Variants in TENM1 observed in about 807,000 individuals in gnomAD.
TENM1 encodes teneurin-1.
TENM1 carries 35 observed loss-of-function variants against 174.8 expected under a neutral mutation model. The ratio of observed to expected loss-of-function variants is 0.20; its 90% CI spans 0.15 to 0.27. The LOEUF is 0.27. Among genes scored for constraint, TENM1 ranks in the 10% least tolerant of loss-of-function variants. The pLI is 1.00. For missense variants in TENM1, 1,633 were observed against 2,130.1 expected (o/e 0.77, Z 4.59); for synonymous variants, 781 against 798.7 (o/e 0.98, Z 0.37).
the TENM1 span, among the ~76,000 whole-genome samples, chrX:125,155,766 C>G: frequency 8.9e-6 from 1 of 112,777 alleles, no homozygotes; most frequent in Non-Finnish European, 1.9e-5. Flanking sequence ...TGTGGGGCAG[C>G]TGAGCCCACA....
At chrX:125,190,285 T>C in the TENM1 span, among the ~76,000 whole-genome samples, 1 of 112,356 alleles carries the variant, frequency 8.9e-6, no homozygotes, top group African/African-American at 3.2e-5. Context: ...CAATGCTATT[T>C]TTCTTCTTTT....
chrX:124,576,871 C>T (rs1396096180), intron 11 of TENM1, among the ~76,000 whole-genome samples: 2 of 111,341 alleles, frequency 1.8e-5, no homozygotes, highest in Non-Finnish European at 3.8e-5. Context: ...TTGTTAGTCC[C>T]CTTAATGCAC....
At chrX:124,805,873 TC>T (rs2055583410) in intron 3 of TENM1, among the ~76,000 whole-genome samples, 1 of 112,148 alleles carries the variant, frequency 8.9e-6, no homozygotes, top group Non-Finnish European at 1.9e-5. Context: ...AGTAACTATT[TC>T]TTCAAATATG....
intron 11 of TENM1, among the ~76,000 whole-genome samples, chrX:124,638,485 C>A (rs2050934210): frequency 9.0e-6 from 1 of 111,274 alleles, no homozygotes; most frequent in Non-Finnish European, 1.9e-5. Flanking sequence ...ACTGTTTGAT[C>A]AATATGTATT....
chrX:125,154,920 G>A, the TENM1 span, among the ~76,000 whole-genome samples: 5 of 111,557 alleles, frequency 4.5e-5, no homozygotes, highest in South Asian at 1.9e-3. Flanking sequence ...GCTCATAAAG[G>A]CAGTGTGGAC....
intron 11 of TENM1, among the ~76,000 whole-genome samples, chrX:124,638,169 G>A (rs1489025028): frequency 9.0e-6 from 1 of 111,014 alleles, no homozygotes; most frequent in African/African-American, 3.3e-5. Flanking sequence ...ACTTCATCTG[G>A]AAGAGAGAGA....
At chrX:124,860,422 G>C (rs760855060) in intron 3 of TENM1, among the ~76,000 whole-genome samples, 114 of 111,898 alleles carry the variant, frequency 1.0e-3, no homozygotes, top group Non-Finnish European at 1.9e-3. Flanking sequence ...AAGAAGGAGA[G>C]AGCCAGAACA....
intron 4 of TENM1, among the ~76,000 whole-genome samples, chrX:124,719,723 G>A (rs1468530849): frequency 9.0e-6 from 1 of 111,588 alleles, no homozygotes; most frequent in East Asian, 2.8e-4. Flanking sequence ...AACAAGGTAA[G>A]GTCAACGTCA....
At chrX:124,962,164 C>T (rs1316322227) in intron 1 of TENM1, among the ~76,000 whole-genome samples, 3 of 111,265 alleles carry the variant, frequency 2.7e-5, no homozygotes, top group Middle Eastern at 4.6e-3. Flanking sequence ...TTGGAAATGC[C>T]GGGGAGGTTA....
intron 19 of TENM1, among the ~76,000 whole-genome samples, chrX:124,499,532 G>A (rs1387087204): frequency 6.3e-5 from 7 of 111,943 alleles, no homozygotes; most frequent in African/African-American, 2.3e-4. Context: ...AGAACTATGA[G>A]ATATCTTGAG....
intron 3 of TENM1, among the ~76,000 whole-genome samples, chrX:124,849,424 T>A (rs1311987979): frequency 6.1e-5 from 6 of 98,619 alleles, no homozygotes; most frequent in Non-Finnish European, 9.7e-5. Context: ...TTTCTTTTTT[T>A]CTCTCTCTCT....
intron 1 of TENM1, among the ~76,000 whole-genome samples, chrX:124,945,242 A>G (rs2058385266): frequency 9.0e-6 from 1 of 111,629 alleles, no homozygotes; most frequent in Non-Finnish European, 1.9e-5. Flanking sequence ...ATTTTTCAGA[A>G]TCACAACAGA....
At chrX:124,701,991 T>C (rs1384329516) in intron 5 of TENM1, among the ~76,000 whole-genome samples, 1 of 111,445 alleles carries the variant, frequency 9.0e-6, no homozygotes, top group African/African-American at 3.3e-5. Flanking sequence ...TAATGGATAA[T>C]AGAGGAAAAT....
intron 3 of TENM1, among the ~76,000 whole-genome samples, chrX:124,805,730 C>T (rs769011186): frequency 2.7e-5 from 3 of 112,961 alleles, no homozygotes; most frequent in Non-Finnish European, 5.6e-5. Flanking sequence ...TGGCATAGGG[C>T]ACTCCCCTAG....
At chrX:125,179,208 C>T in the TENM1 span, among the ~76,000 whole-genome samples, 4 of 111,368 alleles carry the variant, frequency 3.6e-5, no homozygotes, top group African/African-American at 9.8e-5. Context: ...CTTTCACTTC[C>T]GGAATGTGAA....
intron 3 of TENM1, among the ~76,000 whole-genome samples, chrX:124,783,071 G>A (rs1285963544): frequency 9.0e-6 from 1 of 111,553 alleles, no homozygotes; most frequent in African/African-American, 3.2e-5. Context: ...AACCAGAAAA[G>A]TTCGTTCATA....
chrX:124,957,829 T>C (rs1165672776), intron 1 of TENM1, among the ~76,000 whole-genome samples: 1 of 111,543 alleles, frequency 9.0e-6, no homozygotes, highest in Non-Finnish European at 1.9e-5. Flanking sequence ...CATACCTCCT[T>C]TTTATGCATG....
chrX:125,139,435 T>C, the TENM1 span, among the ~76,000 whole-genome samples: 1 of 111,362 alleles, frequency 9.0e-6, no homozygotes, highest in African/African-American at 3.3e-5. Flanking sequence ...CATCTGCTGA[T>C]ATTGTGCAGA....
intron 27 of TENM1, among the ~76,000 whole-genome samples, chrX:124,400,171 AG>A (rs2060383768): frequency 1.8e-5 from 2 of 111,894 alleles, no homozygotes; most frequent in Non-Finnish European, 3.8e-5. Flanking sequence ...ATCTCCAGTC[AG>A]GCTCCTTATC....
Sources: allele counts gnomAD v4.1 joint callset (sites outside exome capture counted in the v4.1 genomes callset), GRCh38; gene constraint gnomAD v4.1.1; transcripts MANE v1.5; gene names NCBI Gene and HGNC (gene_info 2026-07-23, HGNC 2026-07-21).